The following PTPRG variants were observed in gnomAD, a reference collection of about 807,000 sequenced individuals.
PTPRG encodes receptor-type tyrosine-protein phosphatase gamma.
PTPRG carries 102 observed loss-of-function variants against 165.3 expected under a neutral mutation model. The observed-to-expected ratio is 0.62, with a 90% CI of 0.53 to 0.73. PTPRG has a LOEUF of 0.73. Ranked by LOEUF, PTPRG falls within the 30% of genes least tolerant of loss-of-function variation. The pLI, the probability that PTPRG is intolerant of heterozygous loss-of-function variation, is 0.00. For synonymous variants in PTPRG, 675 were observed against 669.5 expected (o/e 1.01, Z -0.13); for missense variants, 1,866 against 1,861.4 (o/e 1.00, Z -0.05).
At chr3:62,019,091 A>C (rs537648422) in intron 4 of PTPRG, among the ~76,000 whole-genome samples, 2 of 152,324 alleles carry the variant, frequency 1.3e-5, no homozygotes, top group South Asian at 4.1e-4. Flanking sequence ...ACCCAGGCTA[A>C]CAGCAGGAGC....
rs1316784329 is a variant in PTPRG at position 61,991,385 on chromosome 3, T to C, written c.370+1581T>C. Among the ~76,000 whole-genome samples the C allele has an allele frequency of 2.0e-5, 3 of 152,134 alleles. No individual in the cohort carries two copies. In the East Asian group the frequency reaches 5.8e-4, roughly 29 times the overall value. On this transcript the variant is annotated intron_variant, in intron 3 of 29. Transcript: ENST00000474889. ...AACCCCCAGCTAGTTTTTGTGTTTTTAGTAGAGACGGAATTTTGCCATGTT... is the reference window on the plus strand; with the variant it reads ...AACCCCCAGCTAGTTTTTGTGTTTTCAGTAGAGACGGAATTTTGCCATGTT...
intron 13 of PTPRG, among the ~76,000 whole-genome samples, chr3:62,230,126 C>G (rs1041614351): frequency 2.0e-5 from 3 of 152,166 alleles, no homozygotes; most frequent in African/African-American, 4.8e-5. Flanking sequence ...AGCAATCCCT[C>G]CCCCCTTTTA....
intron 2 of PTPRG, among the ~76,000 whole-genome samples, chr3:61,894,926 C>G (rs1417930781): frequency 6.6e-6 from 1 of 152,056 alleles, no homozygotes; most frequent in Non-Finnish European, 1.5e-5. Context: ...AATCTCAGCA[C>G]CATTGATATT....
chr3:61,883,419 G>T (rs549285802), intron 2 of PTPRG, among the ~76,000 whole-genome samples: 1 of 152,024 alleles, frequency 6.6e-6, no homozygotes, highest in African/African-American at 2.4e-5. Flanking sequence ...ACTTTTCCTG[G>T]ATTGTTCCAG....
chr3:61,568,907 C>CA (rs34433806), intron 1 of PTPRG, among the ~76,000 whole-genome samples: 6,540 of 130,900 alleles, frequency 0.05, 248 homozygotes, highest in African/African-American at 0.11. Flanking sequence ...GACTCCGTCT[C>CA]AAAAAAAAAA....
At chr3:61,896,669 A>G (rs751991708) in intron 2 of PTPRG, among the ~76,000 whole-genome samples, 5 of 152,214 alleles carry the variant, frequency 3.3e-5, no homozygotes, top group Admixed American at 6.5e-5. Context: ...GCATTCCTGT[A>G]GCAACATATC....
chr3:61,568,663 AT>A (rs1699983772), intron 1 of PTPRG, among the ~76,000 whole-genome samples: 1 of 152,042 alleles, frequency 6.6e-6, no homozygotes, highest in Non-Finnish European at 1.5e-5. Context: ...TAATTCCAGC[AT>A]TTTGGGAGGC....
At chr3:61,791,731 G>A (rs537705397) in intron 2 of PTPRG, among the ~76,000 whole-genome samples, 6 of 152,146 alleles carry the variant, frequency 3.9e-5, no homozygotes, top group Non-Finnish European at 2.9e-5. Flanking sequence ...CAGGTGATCC[G>A]CCCATCTCGG....
At chr3:61,722,628 AAGTC>A (rs1211230309) in intron 1 of PTPRG, among the ~76,000 whole-genome samples, 1 of 152,200 alleles carries the variant, frequency 6.6e-6, no homozygotes, top group Non-Finnish European at 1.5e-5. Flanking sequence ...TAAAATATGA[AAGTC>A]AGTATCAAAT....
rs1699770260 is a variant in PTPRG, at chr3:61,562,107, T to C, written c.-181T>C. The C allele has an allele frequency of 3.4e-6, 2 of 587,276 alleles. No homozygotes were observed. The highest frequency in any genetic ancestry group is 6.0e-6 in the Non-Finnish European group (2 of 330,686). The allele number at this position is 587,276 out of a possible 1,614,324, so 36.4% of individuals were successfully genotyped here. ...GCGTTCCCGGTCACTTTTTGAGATT[T>C]TCCGGGGGGCGCTCGGCGGCTTCCC... On this transcript the variant is annotated 5_prime_UTR_variant, in exon 1 of 30. Transcript: ENST00000474889.
intron 4 of PTPRG, among the ~76,000 whole-genome samples, chr3:62,033,151 A>G (rs1195480416): frequency 6.6e-6 from 1 of 152,086 alleles, no homozygotes; most frequent in Non-Finnish European, 1.5e-5. Flanking sequence ...TCTCTGCTCC[A>G]GCTTTAATGA....
At chr3:61,790,777 C>T (rs1274253605) in intron 2 of PTPRG, among the ~76,000 whole-genome samples, 5 of 148,516 alleles carry the variant, frequency 3.4e-5, no homozygotes, top group Admixed American at 1.3e-4. Context: ...GTAATTTTTC[C>T]TGAAATTCAG....
At chr3:61,719,402 A>T (rs143140706) in intron 1 of PTPRG, among the ~76,000 whole-genome samples, 1 of 151,956 alleles carries the variant, frequency 6.6e-6, no homozygotes, top group Admixed American at 6.6e-5. Flanking sequence ...TTTTCTTGCT[A>T]AAGTGTGTGG....
chr3:61,943,036 C>T (rs562837219), intron 2 of PTPRG, among the ~76,000 whole-genome samples: 2 of 152,262 alleles, frequency 1.3e-5, no homozygotes, highest in Admixed American at 1.3e-4. Flanking sequence ...GACTTTACGC[C>T]AGGTATGCTT....
intron 2 of PTPRG, among the ~76,000 whole-genome samples, chr3:61,948,644 T>C (rs2039823466): frequency 6.6e-6 from 1 of 152,070 alleles, no homozygotes; most frequent in Admixed American, 6.6e-5. Flanking sequence ...GGAGATTCTA[T>C]TAGAGAAAAG....
At chr3:61,646,108 C>CT (rs1702194788) in intron 1 of PTPRG, among the ~76,000 whole-genome samples, 1 of 152,022 alleles carries the variant, frequency 6.6e-6, no homozygotes, top group Admixed American at 6.6e-5. Flanking sequence ...AGTAGATCAT[C>CT]TTTTTTTATT....
chr3:62,240,994 A>C lies in PTPRG; in HGVS notation c.2376-2813A>C, dbSNP rs973187936. 6.6e-6 allele frequency among the ~76,000 whole-genome samples: 1 copy of C among 152,154 alleles called. No homozygotes were observed. The highest frequency in any genetic ancestry group is 2.4e-5 in the African/African-American group (1 of 41,432). On this transcript the variant is annotated intron_variant, in intron 14 of 29. Coordinates refer to ENST00000474889, the MANE Select transcript of PTPRG (RefSeq NM_002841.4). This position sits in a 1 kb window ranked among gnomAD's most constrained non-coding sequence, Gnocchi z 5.1. ...TTTATCATTGTGCTCCCAGCTCCTC[A>C]CTGCAGATAGATCAAGGAATAGTGA...
chr3:62,183,024 A>T (rs1265845717), intron 8 of PTPRG, among the ~76,000 whole-genome samples: 1 of 152,234 alleles, frequency 6.6e-6, no homozygotes, highest in African/African-American at 2.4e-5. Context: ...TCATGCATTT[A>T]TCCCAGAAGC....
intron 5 of PTPRG, among the ~76,000 whole-genome samples, chr3:62,118,059 G>C (rs1702928584): frequency 6.6e-6 from 1 of 152,170 alleles, no homozygotes; most frequent in South Asian, 2.1e-4. Context: ...AGCCCTCTGA[G>C]GAAAGTACAG....
Sources: allele counts gnomAD v4.1 joint callset (sites outside exome capture counted in the v4.1 genomes callset), GRCh38; gene constraint gnomAD v4.1.1; non-coding constraint Gnocchi (gnomAD v3.1); transcripts MANE v1.5; gene names NCBI Gene and HGNC (gene_info 2026-07-23, HGNC 2026-07-21).